CDC45: variants seen among roughly 807,000 people sequenced by gnomAD.
The protein encoded by CDC45 is cell division cycle 45, also known as cell division control protein 45 homolog.
A neutral mutation model predicts 77.8 loss-of-function variants in CDC45; 54 were observed. That is an observed-to-expected ratio of 0.69 (90% CI 0.56 to 0.87). The LOEUF is 0.87. Among genes scored for constraint, CDC45 ranks in the 40% least tolerant of loss-of-function variants. The probability of loss-of-function intolerance (pLI) is 0.00; values close to 1 mark genes in which losing one functional copy is unlikely to be tolerated. For missense variants in CDC45, 649 were observed against 721.6 expected (o/e 0.90, Z 1.15); for synonymous variants, 260 against 272.1 (o/e 0.96, Z 0.44).
At chr22:19,508,000 C>T (rs1011878855) in intron 12 of CDC45, 136 bp downstream of exon 12, 2 of 626,814 alleles carry the variant, frequency 3.2e-6, no homozygotes, top group African/African-American at 1.9e-5. Flanking sequence ...AAAACAACAA[C>T]CCGAGAATGT....
chr22:19,488,226 C>T (rs1193350940), intron 5 of CDC45, among the ~76,000 whole-genome samples: 1 of 152,232 alleles, frequency 6.6e-6, no homozygotes, highest in Non-Finnish European at 1.5e-5. Context: ...TGATGTTTAA[C>T]AAATTACTCC....
chr22:19,501,243 A>G (rs1932892370), intron 9 of CDC45, among the ~76,000 whole-genome samples: 1 of 152,062 alleles, frequency 6.6e-6, no homozygotes, highest in African/African-American at 2.4e-5. Context: ...CCTTATGGGT[A>G]TTTGCCTGCG....
At chr22:19,515,081 AG>A in intron 15 of CDC45, 33 bp downstream of exon 15, 12 of 1,556,818 alleles carry the variant, frequency 7.7e-6, no homozygotes, top group Non-Finnish European at 1.0e-5. Context: ...TGGGTACAGG[AG>A]GGCAGGTGCT....
At position 19,480,206 on chromosome 22, in the gene CDC45, A is replaced by T. The variant is rs1445914274; in HGVS notation, c.100A>T (p.Lys34Ter). 6.2e-7 allele frequency: 1 copy of T among 1,613,920 alleles called. No homozygotes were observed. Among genetic ancestry groups the T allele is most frequent in the Non-Finnish European group, 8.5e-7 (1 of 1,179,930 alleles). The change falls in exon 2 of 19, where the codon AAG becomes TAG. Residue 34 changes from lysine to a stop codon, truncating the protein, a stop_gained. Coordinates refer to ENST00000263201, the MANE Select transcript of CDC45 (RefSeq NM_003504.5). LOFTEE classifies it high-confidence loss of function. ...GGACGTGGATGCTCTGTGTGCGTGCAAGATCCTTCAGGTGAGTTCTGCGGA... is the reference window on the plus strand; with the variant it reads ...GGACGTGGATGCTCTGTGTGCGTGCTAGATCCTTCAGGTGAGTTCTGCGGA... ...ASDVDALCAC[K>*]ILQALFQCDH...
chr22:19,513,796 C>T (rs145799799), intron 13 of CDC45, among the ~76,000 whole-genome samples: 2 of 152,180 alleles, frequency 1.3e-5, no homozygotes, highest in Non-Finnish European at 2.9e-5. Flanking sequence ...TTTACTATTC[C>T]CCCCACAGAA....
intron 5 of CDC45, among the ~76,000 whole-genome samples, chr22:19,484,437 G>A (rs1304445470): frequency 6.6e-6 from 1 of 152,214 alleles, no homozygotes; most frequent in Non-Finnish European, 1.5e-5. Context: ...GAGGTATCTT[G>A]TATGTGAAGA....
intron 9 of CDC45, among the ~76,000 whole-genome samples, chr22:19,501,656 T>C (rs899456548): frequency 6.6e-6 from 1 of 152,230 alleles, no homozygotes; most frequent in Non-Finnish European, 1.5e-5. Context: ...TAAGTTTGCC[T>C]AGATTACTTA....
At position 19,516,518 on chromosome 22, in the gene CDC45, A is replaced by T; in HGVS notation, c.1441-9A>T. 6.2e-7 allele frequency: 1 copy of T among 1,609,704 alleles called. No homozygotes were observed. Among genetic ancestry groups the T allele is most frequent in the South Asian group, 1.1e-5 (1 of 90,974 alleles). ...ATACCCTGACGGAGGGTGCTCTCCG[A>T]CTCCATAGACAAAGAACCGGCGCTG... On this transcript the variant is annotated splice_polypyrimidine_tract_variant and intron_variant, in intron 15 of 18. Transcript: ENST00000263201.
intron 5 of CDC45, among the ~76,000 whole-genome samples, chr22:19,487,938 C>T (rs1224566622): frequency 7.1e-6 from 1 of 141,720 alleles, no homozygotes; most frequent in Non-Finnish European, 1.5e-5. Flanking sequence ...AAAAAGAGTT[C>T]TGCTGTAAAG....
intron 9 of CDC45, among the ~76,000 whole-genome samples, chr22:19,500,146 A>G (rs1344575472): frequency 6.6e-6 from 1 of 152,160 alleles, no homozygotes; most frequent in African/African-American, 2.4e-5. Flanking sequence ...GGCTAGAAAC[A>G]CCATGGTGTA....
intron 6 of CDC45, among the ~76,000 whole-genome samples, chr22:19,495,132 C>G (rs2090219976): frequency 6.6e-6 from 1 of 152,214 alleles, no homozygotes; most frequent in Admixed American, 6.5e-5. Flanking sequence ...CATAATCACA[C>G]TGCCTAATTA....
intron 13 of CDC45, among the ~76,000 whole-genome samples, chr22:19,511,805 T>C (rs1435518508): frequency 6.6e-6 from 1 of 152,168 alleles, no homozygotes; most frequent in Non-Finnish European, 1.5e-5. Flanking sequence ...GTGCTTTTGG[T>C]GTCATATCTA....
At position 19,508,246 on chromosome 22, in the gene CDC45, C is replaced by A. The variant is rs551123123; in HGVS notation, c.1056-284C>A. Among the ~76,000 whole-genome samples, 243 of 152,276 alleles carry A rather than the reference C, an allele frequency of 1.6e-3. 2 individuals are homozygous for A. The highest frequency in any genetic ancestry group is 5.6e-3 in the African/African-American group (233 of 41,570). ...AGTCCATGGGCACTCCTGGAGGCCC[C>A]TGGCTTCTCCCACCCCAGCCAGCTG... On this transcript the variant is annotated intron_variant, in intron 12 of 18. Coordinates refer to ENST00000263201, the MANE Select transcript of CDC45 (RefSeq NM_003504.5).
chr22:19,489,077 G>A (rs1311840834), intron 5 of CDC45, among the ~76,000 whole-genome samples: 1 of 152,124 alleles, frequency 6.6e-6, no homozygotes, highest in Non-Finnish European at 1.5e-5. Context: ...TTGGGAGGCT[G>A]AGGTGGGAGA....
chr22:19,491,574 A>G (rs1057447434), intron 5 of CDC45, among the ~76,000 whole-genome samples: 9 of 152,130 alleles, frequency 5.9e-5, no homozygotes, highest in African/African-American at 2.2e-4. Context: ...TCTGTCATTC[A>G]GGCTTTATCC....
intron 5 of CDC45, among the ~76,000 whole-genome samples, chr22:19,491,369 G>A (rs973182719): frequency 3.4e-5 from 5 of 148,780 alleles, no homozygotes; most frequent in African/African-American, 4.9e-5. Context: ...TCCTTTAACC[G>A]TTCCTTTGGG....
chr22:19,487,905 C>A (rs1358885439), intron 5 of CDC45, among the ~76,000 whole-genome samples: 3 of 104,890 alleles, frequency 2.9e-5, no homozygotes, highest in African/African-American at 1.0e-4. Context: ...AGCAAGACTC[C>A]GTCTCAAAAA....
At chr22:19,510,626 T>C (rs1933459858) in intron 13 of CDC45, among the ~76,000 whole-genome samples, 1 of 152,110 alleles carries the variant, frequency 6.6e-6, no homozygotes, top group Admixed American at 6.6e-5. Flanking sequence ...CCTCCTGGGT[T>C]CAAGCAATTC....
intron 9 of CDC45, among the ~76,000 whole-genome samples, chr22:19,502,447 G>A (rs975259659): frequency 6.6e-6 from 1 of 152,168 alleles, no homozygotes; most frequent in Non-Finnish European, 1.5e-5. Context: ...CAATTTGGTA[G>A]CATGTAGGCA....
Sources: allele counts gnomAD v4.1 joint callset (sites outside exome capture counted in the v4.1 genomes callset), GRCh38; gene constraint gnomAD v4.1.1; transcripts MANE v1.5; gene names NCBI Gene and HGNC (gene_info 2026-07-23, HGNC 2026-07-21).